Variants in BABAM2 observed in about 807,000 individuals in gnomAD.
BABAM2 encodes BRISC and BRCA1-A complex member 2.
BABAM2 carries 31 observed loss-of-function variants against 54.7 expected under a neutral mutation model. The observed-to-expected ratio is 0.57, with a 90% CI of 0.43 to 0.77. The LOEUF is 0.77. Among genes scored for constraint, BABAM2 ranks in the 30% least tolerant of loss-of-function variants. The pLI is 0.00. For synonymous variants in BABAM2, 167 were observed against 162.9 expected (o/e 1.03, Z -0.19); for missense variants, 364 against 455.8 (o/e 0.80, Z 1.83).
chr2:27,902,074 TCTG>T (rs1220766386), intron 2 of BABAM2, among the ~76,000 whole-genome samples: 1 of 152,230 alleles, frequency 6.6e-6, no homozygotes, highest in Non-Finnish European at 1.5e-5. Context: ...AATTCATTCT[TCTG>T]CTGATTGACT....
At chr2:28,300,497 T>C (rs1247982018) in intron 11 of BABAM2, among the ~76,000 whole-genome samples, 1 of 152,274 alleles carries the variant, frequency 6.6e-6, no homozygotes, top group Non-Finnish European at 1.5e-5. Context: ...GTATGTTTTA[T>C]GCTTGAAGTA....
At chr2:28,027,095 C>T (rs2148572427) in intron 5 of BABAM2, among the ~76,000 whole-genome samples, 1 of 148,270 alleles carries the variant, frequency 6.7e-6, no homozygotes, top group East Asian at 2.0e-4. Context: ...TTTGTCTGTT[C>T]ATCTCCTACC....
chr2:28,336,818 G>A lies in BABAM2; in HGVS notation c.1089-1632G>A, dbSNP rs58442800. Among the ~76,000 whole-genome samples, 1,303 of 152,374 alleles carry A rather than the reference G, an allele frequency of 8.6e-3. 18 individuals carry two copies. Among genetic ancestry groups the A allele is most frequent in the East Asian group, 0.033 (172 of 5,190 alleles). ...ACAACTCCAGGGCCTGTCAGATTGCGTGGGGCTCTTTGCCCTATGGCACAG... is the reference window on the plus strand; with the variant it reads ...ACAACTCCAGGGCCTGTCAGATTGCATGGGGCTCTTTGCCCTATGGCACAG... On this transcript the variant is annotated intron_variant, in intron 11 of 11. Coordinates refer to ENST00000379624, the MANE Select transcript of BABAM2 (RefSeq NM_199191.3).
intron 3 of BABAM2, chr2:27,930,273 T>C (rs1441540365): frequency 5.3e-6 from 1 of 190,216 alleles, no homozygotes; most frequent in Admixed American, 5.6e-5. Context: ...TGTCCATCAC[T>C]GCTGCTAACC....
intron 3 of BABAM2, among the ~76,000 whole-genome samples, chr2:27,959,437 C>A (rs1670312754): frequency 6.6e-6 from 1 of 152,098 alleles, no homozygotes; most frequent in Non-Finnish European, 1.5e-5. Flanking sequence ...TATATCCAAT[C>A]TTTATGTAGT....
chr2:28,032,167 T>G (rs1050019295), intron 5 of BABAM2, among the ~76,000 whole-genome samples: 6 of 152,226 alleles, frequency 3.9e-5, no homozygotes, highest in Non-Finnish European at 7.3e-5. Flanking sequence ...CTTTGCATTA[T>G]GCAGGTCTGT....
intron 7 of BABAM2, among the ~76,000 whole-genome samples, chr2:28,180,682 C>T (rs964175863): frequency 1.3e-5 from 2 of 152,120 alleles, no homozygotes; most frequent in African/African-American, 4.8e-5. Context: ...AAGAGACAAT[C>T]TGTTGAATGG....
intron 2 of BABAM2, among the ~76,000 whole-genome samples, chr2:27,910,203 C>T (rs1666477343): frequency 2.0e-5 from 3 of 152,182 alleles, no homozygotes; most frequent in African/African-American, 7.2e-5. Flanking sequence ...AGCTGTGTCT[C>T]CACCACCTAG....
chr2:27,991,535 G>A (rs1672772927), intron 4 of BABAM2, among the ~76,000 whole-genome samples: 1 of 152,066 alleles, frequency 6.6e-6, no homozygotes, highest in Admixed American at 6.6e-5. Flanking sequence ...AAACTTATTA[G>A]CAGTCACTTC....
intron 11 of BABAM2, among the ~76,000 whole-genome samples, chr2:28,331,284 T>C (rs547110685): frequency 5.7e-4 from 87 of 151,888 alleles, no homozygotes; most frequent in Non-Finnish European, 1.1e-3. Context: ...GACAAAAACG[T>C]CAAAAGAATT....
intron 3 of BABAM2, among the ~76,000 whole-genome samples, chr2:27,954,994 A>T (rs1669986580): frequency 6.6e-6 from 1 of 152,204 alleles, no homozygotes; most frequent in African/African-American, 2.4e-5. Flanking sequence ...CTTTTAACAC[A>T]TGTGAGGAAA....
chr2:27,925,106 T>G (rs1246964414), intron 2 of BABAM2, among the ~76,000 whole-genome samples: 1 of 152,162 alleles, frequency 6.6e-6, no homozygotes, highest in Non-Finnish European at 1.5e-5. Context: ...TTTTGGGAAG[T>G]ATTACTCTTC....
intron 2 of BABAM2, 56 bp downstream of exon 2, chr2:27,894,740 A>G: frequency 1.3e-6 from 2 of 1,598,148 alleles, no homozygotes; most frequent in Admixed American, 1.7e-5. Context: ...CCTTTACCTA[A>G]TGACAGCCCT....
At position 28,304,846 on chromosome 2, in the gene BABAM2, T is replaced by C. The variant is rs1050309175; in HGVS notation, c.1088+6355T>C. Among the ~76,000 whole-genome samples the C allele has an allele frequency of 1.4e-5, 2 of 147,768 alleles. No homozygotes were observed. The highest frequency in any genetic ancestry group is 3.1e-5 in the Non-Finnish European group (2 of 65,508). On this transcript the variant is annotated intron_variant, in intron 11 of 11. Coordinates refer to ENST00000379624, the MANE Select transcript of BABAM2 (RefSeq NM_199191.3). The surrounding 1 kb of genome is among the most constrained non-coding windows in gnomAD (Gnocchi z 4.0). ...ATCCACCTGCCTTGGCCTCCCAAAG[T>C]GCTAGGATTACAGGCATGACGGGAT...
rs138441403 is a variant in BABAM2, at chr2:28,071,035, A to G, written c.570+25236A>G. ...CAGTTTTCTTAATTATTAAATGAGAATAAGATCTGCCCCAAATGTCACCTT... is the reference window on the plus strand; with the variant it reads ...CAGTTTTCTTAATTATTAAATGAGAGTAAGATCTGCCCCAAATGTCACCTT... On this transcript the variant is annotated intron_variant, in intron 6 of 11. Coordinates refer to ENST00000379624, the MANE Select transcript of BABAM2 (RefSeq NM_199191.3). 2.9e-3 allele frequency among the ~76,000 whole-genome samples: 436 copies of G among 152,246 alleles called. 3 individuals are homozygous for G. Among genetic ancestry groups the G allele is most frequent in the African/African-American group, 0.01 (422 of 41,558 alleles).
At position 28,094,823 on chromosome 2, in the gene BABAM2, C is replaced by T. The variant is rs938138370; in HGVS notation, c.571-34448C>T. On this transcript the variant is annotated intron_variant, in intron 6 of 11. Transcript: ENST00000379624. ...TCTTCCTTCCACAGAAGGTGGCATACTATATACACTACTCTGCATCTCAGT... is the reference window on the plus strand; with the variant it reads ...TCTTCCTTCCACAGAAGGTGGCATATTATATACACTACTCTGCATCTCAGT... 5.3e-5 allele frequency among the ~76,000 whole-genome samples: 8 copies of T among 151,472 alleles called. No homozygotes were observed. In the South Asian group the frequency reaches 1.7e-3, roughly 32 times the overall value.
intron 2 of BABAM2, among the ~76,000 whole-genome samples, chr2:27,902,574 A>G (rs1450066151): frequency 6.6e-6 from 1 of 152,186 alleles, no homozygotes; most frequent in Non-Finnish European, 1.5e-5. Flanking sequence ...ATTTTTGCCA[A>G]GCTGATGAGA....
chr2:28,280,011 T>C (rs74506105), intron 10 of BABAM2, among the ~76,000 whole-genome samples: 11,851 of 152,144 alleles, frequency 0.078, 555 homozygotes, highest in Middle Eastern at 0.1. Context: ...CCTTTTCTTA[T>C]TTGACTTATA....
chr2:28,230,379 C>G (rs1188010484), intron 7 of BABAM2, among the ~76,000 whole-genome samples: 1 of 151,672 alleles, frequency 6.6e-6, no homozygotes, highest in Non-Finnish European at 1.5e-5. Flanking sequence ...GAGCTAACAA[C>G]AGGTCTAGAA....
Sources: gnomAD v4.1 joint callset for allele counts (sites outside exome capture counted in the v4.1 genomes callset) on GRCh38, gnomAD v4.1.1 for gene constraint, Gnocchi (gnomAD v3.1) non-coding constraint, MANE v1.5 for transcripts, NCBI Gene and HGNC (gene_info 2026-07-23, HGNC 2026-07-21) for gene names.